CCDC15: variants seen among roughly 807,000 people sequenced by gnomAD.
CCDC15 encodes coiled-coil domain containing 15.
CCDC15 carries 105 observed loss-of-function variants against 114.5 expected under a neutral mutation model. The ratio of observed to expected loss-of-function variants is 0.92; its 90% CI spans 0.78 to 1.08. The LOEUF (loss-of-function observed/expected upper bound fraction) is 1.08. CCDC15 is among the 50% of genes least tolerant of loss of function. CCDC15 has a pLI of 0.00. For synonymous variants in CCDC15, 334 were observed against 377.8 expected, an observed-to-expected ratio of 0.88 and a Z score of 1.34; for missense variants, 1,105 against 1,093.6, an observed-to-expected ratio of 1.01 and a Z score of -0.15.
Position 124,991,052 on chromosome 11 carries a change from T to C in CCDC15, c.1909-409T>C, listed in dbSNP as rs577104500. Among the ~76,000 whole-genome samples, 26 of 152,360 alleles carry C rather than the reference T, an allele frequency of 1.7e-4. No homozygotes were observed. The East Asian group carries it at 4.8e-3, about 28-fold the overall frequency. ...TAAAACCTAAAGTCTTAACCTGTCA[T>C]TCTTAACGGAGCAATTGATATGTTG... On this transcript the variant is annotated intron_variant, in intron 8 of 15. Coordinates refer to ENST00000344762, the MANE Select transcript of CCDC15 (RefSeq NM_025004.3).
chr11:124,967,855 T>C (rs949156331), intron 4 of CCDC15, among the ~76,000 whole-genome samples: 2 of 152,204 alleles, frequency 1.3e-5, no homozygotes, highest in African/African-American at 2.4e-5. Flanking sequence ...ATGCTATTCC[T>C]TTCTGTTTGT....
intron 6 of CCDC15, among the ~76,000 whole-genome samples, chr11:124,979,803 T>A (rs946215722): frequency 1.3e-5 from 2 of 152,192 alleles, no homozygotes; most frequent in African/African-American, 4.8e-5. Flanking sequence ...TCTAGTACCA[T>A]GTTGAATAGG....
chr11:125,017,366 A>G (rs61124708), intron 13 of CCDC15, among the ~76,000 whole-genome samples: 9,601 of 147,016 alleles, frequency 0.065, 366 homozygotes, highest in African/African-American at 0.11. Context: ...GCACCACATA[A>G]AGATGTTTTG....
At chr11:124,966,190 T>C (rs1457685574) in intron 4 of CCDC15, among the ~76,000 whole-genome samples, 1 of 152,214 alleles carries the variant, frequency 6.6e-6, no homozygotes, top group Non-Finnish European at 1.5e-5. Context: ...AAGTCCTGTA[T>C]ATCCTTGTTA....
Position 124,958,288 on chromosome 11 carries a change from A to G in CCDC15, c.178-827A>G, listed in dbSNP as rs961160517. 2.0e-5 allele frequency among the ~76,000 whole-genome samples: 3 copies of G among 152,168 alleles called. No homozygotes were observed. In the East Asian group the frequency reaches 5.8e-4, roughly 29 times the overall value. On this transcript the variant is annotated intron_variant, in intron 2 of 15. Transcript: ENST00000344762. ...TGTCCAACATGCGGCCATGGGCCAC[A>G]TGTGGCCCAGGATGGCTTTGAATGC...
chr11:124,974,979 G>T, intron 4 of CCDC15, 117 bp from the exon 5 acceptor site: 1 of 574,148 alleles, frequency 1.7e-6, no homozygotes. Context: ...TAATCCTGTT[G>T]TCTTAGATCT....
intron 11 of CCDC15, among the ~76,000 whole-genome samples, chr11:125,000,117 C>T (rs1466386554): frequency 2.0e-5 from 3 of 152,014 alleles, no homozygotes; most frequent in African/African-American, 7.2e-5. Flanking sequence ...CCCGCCTTGG[C>T]CTCCCAAAGT....
At chr11:124,969,560 C>T (rs1947845740) in intron 4 of CCDC15, among the ~76,000 whole-genome samples, 1 of 152,110 alleles carries the variant, frequency 6.6e-6, no homozygotes, top group African/African-American at 2.4e-5. Flanking sequence ...GAATCTTTTA[C>T]TATCTTATTT....
chr11:124,992,762 C>CT, intron 10 of CCDC15, 75 bp downstream of exon 10: 1 of 802,094 alleles, frequency 1.2e-6, no homozygotes, highest in Non-Finnish European at 2.0e-6. Flanking sequence ...AACATTGAGG[C>CT]TGAAGCCTGT....
rs779774361 is a variant in CCDC15 at position 125,039,042 on chromosome 11, A to G, written c.2707A>G (p.Asn903Asp). ...WDAHPDTCAN[N>D]CIFYKNHRAY... The stretch of plus-strand genomic sequence containing the variant: ...TGCTCATCCTGATACCTGTGCCAAC[A>G]ACTGTATTTTCTATAAAAACCACAG... The change falls in exon 15 of 16, where the codon AAC becomes GAC. Residue 903 changes from asparagine (N) to aspartate (D), a missense_variant. Physicochemically the swap from Asn to Asp is conservative, Grantham distance 23. Coordinates refer to ENST00000344762, the MANE Select transcript of CCDC15 (RefSeq NM_025004.3). The G allele has an allele frequency of 3.7e-6, 6 of 1,603,082 alleles. No individual in the cohort carries two copies.
intron 11 of CCDC15, among the ~76,000 whole-genome samples, chr11:124,993,452 C>G (rs913435221): frequency 2.0e-5 from 3 of 152,132 alleles, no homozygotes; most frequent in African/African-American, 7.2e-5. Context: ...CCATTCTGAC[C>G]TATTGAAACT....
chr11:124,968,794 C>G (rs77878825), intron 4 of CCDC15, among the ~76,000 whole-genome samples: 2 of 152,054 alleles, frequency 1.3e-5, no homozygotes, highest in African/African-American at 4.8e-5. Context: ...TTGGAATGGA[C>G]CCCCCAATTC....
intron 11 of CCDC15, among the ~76,000 whole-genome samples, chr11:124,995,251 A>G (rs1028443567): frequency 2.0e-5 from 3 of 152,176 alleles, no homozygotes; most frequent in African/African-American, 7.2e-5. Context: ...CCTCCTTGGA[A>G]AAGGCTATCC....
Position 124,991,517 on chromosome 11 carries a change from CTT to C in CCDC15, c.1968_1969del (p.Leu658GlyfsTer15). ...TGACAGATGAGAAAGGGAGAGAAGA[CTT>C]TTCTCTGGCAGACTATCAGTGTTTG... The part of the protein sequence containing the change: ...DMTDEKGRED[F>X]SLADYQCLPP... On this transcript the variant is annotated frameshift_variant, in exon 9 of 16. Coordinates refer to ENST00000344762, the MANE Select transcript of CCDC15 (RefSeq NM_025004.3). LOFTEE classifies it high-confidence loss of function. 1.2e-6 allele frequency: 2 copies of C among 1,607,570 alleles called. No individual in the cohort carries two copies. The highest frequency in any genetic ancestry group is 1.7e-6 in the Non-Finnish European group (2 of 1,174,834).
At chr11:125,031,953 A>G (rs1051773705) in intron 13 of CCDC15, among the ~76,000 whole-genome samples, 1 of 152,224 alleles carries the variant, frequency 6.6e-6, no homozygotes, top group African/African-American at 2.4e-5. Context: ...TCGTGGTTGT[A>G]GGAGAGGCCA....
At chr11:125,002,975 G>A (rs978037969) in intron 11 of CCDC15, among the ~76,000 whole-genome samples, 9 of 151,980 alleles carry the variant, frequency 5.9e-5, no homozygotes, top group African/African-American at 1.7e-4. Flanking sequence ...TTTGTTGATC[G>A]ATTTGGGGAA....
chr11:125,005,075 C>A (rs575837163), intron 12 of CCDC15, 34 bp from the exon 13 acceptor site: 5 of 951,876 alleles, frequency 5.3e-6, no homozygotes, highest in Non-Finnish European at 7.7e-6. Flanking sequence ...CCTCTGAAAG[C>A]AGAATCTTAG....
chr11:124,973,386 T>C, intron 4 of CCDC15, among the ~76,000 whole-genome samples: 1 of 151,700 alleles, frequency 6.6e-6, no homozygotes, highest in East Asian at 1.9e-4. Context: ...ACTACACATA[T>C]CTCTTTTTGC....
intron 5 of CCDC15, among the ~76,000 whole-genome samples, chr11:124,976,890 A>G (rs558107657): frequency 1.6e-4 from 25 of 152,318 alleles, no homozygotes; most frequent in Admixed American, 5.9e-4. Context: ...CAAAGAAAGC[A>G]TATATGTTTT....
Sources: allele counts gnomAD v4.1 joint callset (sites outside exome capture counted in the v4.1 genomes callset), GRCh38; gene constraint gnomAD v4.1.1; transcripts MANE v1.5; gene names NCBI Gene and HGNC (gene_info 2026-07-23, HGNC 2026-07-21).